The following SCN8A variants were observed in gnomAD, a reference collection of about 807,000 sequenced individuals.
The protein encoded by SCN8A is sodium voltage-gated channel alpha subunit 8.
In SCN8A, 30 loss-of-function variants were observed where a neutral mutation model predicts 184.1. That is an observed-to-expected ratio of 0.16 (90% CI 0.12 to 0.22). The LOEUF (loss-of-function observed/expected upper bound fraction) is 0.22, where lower values mean the gene tolerates loss of function less well. SCN8A is among the 10% of genes least tolerant of loss of function. The pLI is 1.00. For synonymous variants in SCN8A, 852 were observed against 907.0 expected, an observed-to-expected ratio of 0.94 and a Z score of 1.09; for missense variants, 1,057 against 2,498.9, an observed-to-expected ratio of 0.42 and a Z score of 12.30.
intron 1 of SCN8A, among the ~76,000 whole-genome samples, chr12:51,609,417 C>G (rs1939668200): frequency 6.6e-6 from 1 of 152,108 alleles, no homozygotes; most frequent in African/African-American, 2.4e-5. Flanking sequence ...GTGTTGCTGT[C>G]TCATTTATTA....
chr12:51,686,698 C>T (rs1468850299), intron 4 of SCN8A, among the ~76,000 whole-genome samples: 2 of 152,170 alleles, frequency 1.3e-5, no homozygotes, highest in African/African-American at 4.8e-5. Context: ...TGCCCTGCAG[C>T]CCCATCACCA....
intron 19 of SCN8A, among the ~76,000 whole-genome samples, chr12:51,773,879 G>A (rs1942968155): frequency 6.6e-6 from 1 of 152,108 alleles, no homozygotes; most frequent in Admixed American, 6.5e-5. Context: ...GGGTTTAGGG[G>A]GTGATAGCTA....
intron 13 of SCN8A, among the ~76,000 whole-genome samples, chr12:51,748,483 G>A (rs1942547872): frequency 6.6e-6 from 1 of 152,184 alleles, no homozygotes; most frequent in Non-Finnish European, 1.5e-5. Context: ...TCAGAGGACT[G>A]GGCGTGGGGT....
At chr12:51,713,974 G>T (rs868659938) in intron 11 of SCN8A, among the ~76,000 whole-genome samples, 1 of 151,198 alleles carries the variant, frequency 6.6e-6, no homozygotes, top group Non-Finnish European at 1.5e-5. Context: ...CCAAAAAAAA[G>T]GGTTTTTTTT....
intron 11 of SCN8A, among the ~76,000 whole-genome samples, chr12:51,717,166 G>A (rs1461315746): frequency 2.0e-5 from 3 of 152,184 alleles, no homozygotes; most frequent in African/African-American, 4.8e-5. Flanking sequence ...TCTTGGGAAC[G>A]GAAGTAACGA....
intron 1 of SCN8A, among the ~76,000 whole-genome samples, chr12:51,609,889 G>T (rs1939680739): frequency 6.6e-6 from 1 of 151,138 alleles, no homozygotes; most frequent in Non-Finnish European, 1.5e-5. Context: ...GAGTTAGTGG[G>T]TGCAGCACAC....
chr12:51,780,507 A>G (rs1206990834), intron 20 of SCN8A, 142 bp from the exon 21 acceptor site: 7 of 582,426 alleles, frequency 1.2e-5, no homozygotes, highest in African/African-American at 8.9e-5. Context: ...GGGGGGCCCA[A>G]TCTGTGTCTG....
chr12:51,750,089 G>A (rs1470375429), intron 13 of SCN8A, among the ~76,000 whole-genome samples: 2 of 152,294 alleles, frequency 1.3e-5, no homozygotes, highest in East Asian at 3.9e-4. Flanking sequence ...TTTGATATCT[G>A]ATAATTCTTT....
intron 14 of SCN8A, among the ~76,000 whole-genome samples, chr12:51,758,919 TCA>T (rs1288922888): frequency 2.0e-5 from 3 of 151,886 alleles, no homozygotes; most frequent in Non-Finnish European, 4.4e-5. Flanking sequence ...GCCTGAAACC[TCA>T]GATAGTACCA....
chr12:51,708,602 G>A (rs527751291), intron 11 of SCN8A, among the ~76,000 whole-genome samples: 18 of 152,042 alleles, frequency 1.2e-4, no homozygotes, highest in South Asian at 2.1e-4. Context: ...CTCACTTTCC[G>A]GTTCAGTCTT....
At chr12:51,780,837 G>T in intron 21 of SCN8A, 66 bp downstream of exon 21, 1 of 1,416,342 alleles carries the variant, frequency 7.1e-7, no homozygotes, top group South Asian at 1.7e-5. Context: ...TGCTAGAACT[G>T]ATCACATGGT....
At chr12:51,756,692 C>G (rs1942680162) in intron 14 of SCN8A, among the ~76,000 whole-genome samples, 2 of 152,186 alleles carry the variant, frequency 1.3e-5, no homozygotes, top group Admixed American at 1.3e-4. Context: ...CAGCCTGCTG[C>G]CCTGCATGGA....
intron 11 of SCN8A, among the ~76,000 whole-genome samples, chr12:51,708,805 G>A (rs767237171): frequency 9.9e-5 from 15 of 151,984 alleles, no homozygotes; most frequent in African/African-American, 2.4e-4. Context: ...AACAGATTAC[G>A]TCCTAAAATG....
intron 2 of SCN8A, among the ~76,000 whole-genome samples, chr12:51,664,267 G>T (rs991400614): frequency 1.3e-5 from 2 of 151,696 alleles, no homozygotes; most frequent in Non-Finnish European, 2.9e-5. Flanking sequence ...GAGTGCAGTG[G>T]TGCGGTCTCA....
intron 5 of SCN8A, among the ~76,000 whole-genome samples, chr12:51,688,078 T>G (rs1941449053): frequency 6.6e-6 from 1 of 152,236 alleles, no homozygotes; most frequent in Admixed American, 6.5e-5. Flanking sequence ...TTCTGTTATA[T>G]AAAGGCAATG....
Position 51,596,217 on chromosome 12 carries a change from C to T in SCN8A, c.-55+4858C>T, listed in dbSNP as rs76952682. On this transcript the variant is annotated intron_variant, in intron 1 of 26. Transcript: ENST00000627620. ...TCCCCACTGTATAGTCTTTGAACTGCTTTATTTGAATGGGTCTCATAGGTG... is the reference window on the plus strand; with the variant it reads ...TCCCCACTGTATAGTCTTTGAACTGTTTTATTTGAATGGGTCTCATAGGTG... Among the ~76,000 whole-genome samples the T allele has an allele frequency of 2.4e-3, 362 of 152,284 alleles. 5 individuals are homozygous for T. The East Asian group carries it at 0.045, about 19-fold the overall frequency.
At chr12:51,781,648 ACGCG>A (rs926615231) in intron 21 of SCN8A, among the ~76,000 whole-genome samples, 1 of 151,090 alleles carries the variant, frequency 6.6e-6, no homozygotes, top group African/African-American at 2.5e-5. Context: ...GCGTGCGTGC[ACGCG>A]CACGCACGCG....
Position 51,812,465 on chromosome 12 carries a change from G to A in SCN8A, c.*5036G>A, listed in dbSNP as rs1938941923. 1.3e-5 allele frequency: 2 copies of A among 152,400 alleles called. No individual in the cohort carries two copies. Among genetic ancestry groups the A allele is most frequent in the South Asian group, 4.1e-4 (2 of 4,844 alleles). 9.4% of individuals were successfully genotyped at this position (152,400 alleles called of 1,614,324 possible). On this transcript the variant is annotated 3_prime_UTR_variant, in exon 27 of 27. Transcript: ENST00000627620. ...TTGTAAAGCGTTTTGAGATACAGAGGCAAAGGCGCTAGGGAAGGGCAAAGT... is the reference window on the plus strand; with the variant it reads ...TTGTAAAGCGTTTTGAGATACAGAGACAAAGGCGCTAGGGAAGGGCAAAGT...
chr12:51,735,644 A>C (rs1312456406), intron 12 of SCN8A, among the ~76,000 whole-genome samples: 1 of 152,154 alleles, frequency 6.6e-6, no homozygotes, highest in African/African-American at 2.4e-5. Context: ...CATCTCTGAC[A>C]GCTTCTTGAT....
Sources: allele counts gnomAD v4.1 joint callset (sites outside exome capture counted in the v4.1 genomes callset), GRCh38; gene constraint gnomAD v4.1.1; transcripts MANE v1.5; gene names NCBI Gene and HGNC (gene_info 2026-07-23, HGNC 2026-07-21).